The following CAMK1D variants were observed in gnomAD, a reference collection of about 807,000 sequenced individuals.
CAMK1D encodes the protein calcium/calmodulin dependent protein kinase ID, also known as calcium/calmodulin-dependent protein kinase type 1D.
A neutral mutation model predicts 47.7 loss-of-function variants in CAMK1D; 9 were observed. The observed-to-expected ratio is 0.19, with a 90% CI of 0.11 to 0.33. The LOEUF is 0.33. Among genes scored for constraint, CAMK1D ranks in the 10% least tolerant of loss-of-function variants. The probability of loss-of-function intolerance (pLI) is 1.00; values close to 1 mark genes in which losing one functional copy is unlikely to be tolerated. For synonymous variants in CAMK1D, 184 were observed against 184.9 expected (o/e 0.99, Z 0.04); for missense variants, 291 against 488.7 (o/e 0.60, Z 3.81).
intron 3 of CAMK1D, among the ~76,000 whole-genome samples, chr10:12,751,038 GCCCGTCTCCC>G (rs1290559011): frequency 6.6e-6 from 1 of 150,538 alleles, no homozygotes; most frequent in African/African-American, 2.5e-5. Context: ...GGGTGACGGA[GCCCGTCTCCC>G]CCAATAAGAT....
At chr10:12,646,775 G>A (rs1839821529) in intron 2 of CAMK1D, among the ~76,000 whole-genome samples, 1 of 152,064 alleles carries the variant, frequency 6.6e-6, no homozygotes, top group Non-Finnish European at 1.5e-5. Flanking sequence ...GACATTACTC[G>A]ATTACCTAAA....
At chr10:12,802,209 A>G (rs1002417117) in intron 6 of CAMK1D, among the ~76,000 whole-genome samples, 1 of 152,120 alleles carries the variant, frequency 6.6e-6, no homozygotes, top group African/African-American at 2.4e-5. Context: ...TTATTTTCCA[A>G]TTTCTCCCCA....
chr10:12,702,628 G>A (rs943591717), intron 3 of CAMK1D, among the ~76,000 whole-genome samples: 8 of 152,308 alleles, frequency 5.3e-5, no homozygotes, highest in East Asian at 1.9e-4. Context: ...TCCCCGATAC[G>A]AGGTAGGTTC....
In CAMK1D at chr10:12,391,084, GAA is replaced by G. The variant is rs536853712; in HGVS notation, c.92+41177_92+41178del. Among the ~76,000 whole-genome samples the G allele has an allele frequency of 5.9e-5, 9 of 152,254 alleles. No individual in the cohort carries two copies. The East Asian group carries it at 1.7e-3, about 29-fold the overall frequency. ...AACACTGTCTTCTCTCGTGAATGAG[GAA>G]AACCCTTTCTCAGGCCATGATACGT... On this transcript the variant is annotated intron_variant, in intron 1 of 10. Coordinates refer to ENST00000619168, the MANE Select transcript of CAMK1D (RefSeq NM_153498.4).
chr10:12,711,902 A>G (rs951690110), intron 3 of CAMK1D, among the ~76,000 whole-genome samples: 7 of 152,200 alleles, frequency 4.6e-5, no homozygotes, highest in African/African-American at 9.7e-5. Context: ...TTATATTTCT[A>G]TTTAGATGTA....
intron 1 of CAMK1D, among the ~76,000 whole-genome samples, chr10:12,404,693 T>TA (rs201626507): frequency 4.1e-5 from 6 of 145,872 alleles, no homozygotes; most frequent in African/African-American, 7.8e-5. Context: ...ACTGTGTTTT[T>TA]AAAAATTTTT....
chr10:12,401,687 G>T (rs575303882), intron 1 of CAMK1D, among the ~76,000 whole-genome samples: 32 of 151,922 alleles, frequency 2.1e-4, no homozygotes, highest in African/African-American at 7.5e-4. Context: ...AGGTGAGCTG[G>T]GCCTGTGGCT....
At chr10:12,676,781 T>C (rs1213328138) in intron 3 of CAMK1D, among the ~76,000 whole-genome samples, 2 of 152,144 alleles carry the variant, frequency 1.3e-5, no homozygotes, top group African/African-American at 4.8e-5. Flanking sequence ...ACCTGGAAAA[T>C]GATATTCGTT....
rs1491574865 is a variant in CAMK1D at position 12,527,349 on chromosome 10, GCT to G, written c.93-25875_93-25874del. 9.0e-5 allele frequency among the ~76,000 whole-genome samples: 10 copies of G among 110,804 alleles called. No homozygotes were observed. The East Asian group carries it at 2.4e-3, about 26-fold the overall frequency. 72.7% of individuals were successfully genotyped at this position (110,804 alleles called of 152,430 possible). ...AGGGTGCGGTTCCTTGACTTGACTT[GCT>G]TTTTTTTTTTTTTTTTTTTTTGAGA... is the stretch of plus-strand genomic sequence containing the variant. On this transcript the variant is annotated intron_variant, in intron 1 of 10. Transcript: ENST00000619168.
intron 3 of CAMK1D, among the ~76,000 whole-genome samples, chr10:12,755,194 A>G (rs980468991): frequency 2.0e-5 from 3 of 152,214 alleles, no homozygotes; most frequent in Non-Finnish European, 2.9e-5. Flanking sequence ...GGTTGCATGA[A>G]ATGAAAACTT....
intron 1 of CAMK1D, among the ~76,000 whole-genome samples, chr10:12,487,570 G>C (rs1834254292): frequency 6.6e-6 from 1 of 152,254 alleles, no homozygotes; most frequent in African/African-American, 2.4e-5. Flanking sequence ...TGACTCCAAA[G>C]TCATCCTTGA....
intron 3 of CAMK1D, among the ~76,000 whole-genome samples, chr10:12,735,368 C>A (rs1344693991): frequency 6.6e-6 from 1 of 152,134 alleles, no homozygotes; most frequent in Non-Finnish European, 1.5e-5. Flanking sequence ...GTCCCAGCTA[C>A]TCGGGAGGCT....
chr10:12,794,046 A>G (rs998502849), intron 6 of CAMK1D, among the ~76,000 whole-genome samples: 4 of 152,194 alleles, frequency 2.6e-5, no homozygotes, highest in Non-Finnish European at 5.9e-5. Flanking sequence ...ACGTTCGAGT[A>G]TTATCCCAGC....
intron 1 of CAMK1D, among the ~76,000 whole-genome samples, chr10:12,534,645 C>T (rs1329326265): frequency 6.6e-6 from 1 of 152,190 alleles, no homozygotes; most frequent in Non-Finnish European, 1.5e-5. Flanking sequence ...AGATTACAGA[C>T]ATGAGCCACA....
intron 1 of CAMK1D, among the ~76,000 whole-genome samples, chr10:12,359,983 GA>G (rs1837613538): frequency 6.6e-6 from 1 of 152,142 alleles, no homozygotes; most frequent in African/African-American, 2.4e-5. Flanking sequence ...AACACTTGGG[GA>G]GCTAATTTCC....
At chr10:12,707,121 C>T (rs1833756306) in intron 3 of CAMK1D, among the ~76,000 whole-genome samples, 1 of 152,168 alleles carries the variant, frequency 6.6e-6, no homozygotes. Context: ...ATCCCAGCCC[C>T]AGGACATAGC....
At chr10:12,757,821 G>A (rs908766344) in intron 3 of CAMK1D, among the ~76,000 whole-genome samples, 1 of 151,402 alleles carries the variant, frequency 6.6e-6, no homozygotes, top group Non-Finnish European at 1.5e-5. Flanking sequence ...TCTTCTTACA[G>A]GGACACTGAT....
intron 2 of CAMK1D, among the ~76,000 whole-genome samples, chr10:12,582,546 T>C (rs1163471567): frequency 3.3e-5 from 5 of 152,196 alleles, no homozygotes; most frequent in Non-Finnish European, 7.4e-5. Context: ...CTACGATTTC[T>C]TTTAGCAGTG....
At chr10:12,412,290 GT>G (rs1839683721) in intron 1 of CAMK1D, among the ~76,000 whole-genome samples, 1 of 151,892 alleles carries the variant, frequency 6.6e-6, no homozygotes, top group African/African-American at 2.4e-5. Context: ...CAGTGTGCTG[GT>G]TGCCCCTCTT....
Sources: allele counts gnomAD v4.1 joint callset (sites outside exome capture counted in the v4.1 genomes callset), GRCh38; gene constraint gnomAD v4.1.1; transcripts MANE v1.5; gene names NCBI Gene and HGNC (gene_info 2026-07-23, HGNC 2026-07-21).